The following TRAK2 variants were observed in gnomAD, a reference collection of about 807,000 sequenced individuals.
TRAK2 encodes trafficking kinesin protein 2.
TRAK2 carries 81 observed loss-of-function variants against 104.6 expected under a neutral mutation model. The ratio of observed to expected loss-of-function variants is 0.77; its 90% CI spans 0.65 to 0.93. The LOEUF is 0.93. Ranked by LOEUF, TRAK2 falls within the 40% of genes least tolerant of loss-of-function variation. TRAK2 has a pLI of 0.00. For missense variants in TRAK2, 1,002 were observed against 1,089.0 expected, an observed-to-expected ratio of 0.92 and a Z score of 1.12; for synonymous variants, 406 against 394.4, an observed-to-expected ratio of 1.03 and a Z score of -0.35.
intron 15 of TRAK2, 42 bp from the exon 16 acceptor site, chr2:201,381,260 T>C (rs1352695617): frequency 6.6e-7 from 1 of 1,523,056 alleles, no homozygotes; most frequent in Non-Finnish European, 8.8e-7. Flanking sequence ...TGTTTAAGAA[T>C]AAAAAGCAAG....
rs78367740 is a variant in TRAK2 at position 201,414,381 on chromosome 2, G to C, written c.91+6036C>G. On this transcript the variant is annotated intron_variant, in intron 2 of 15. Transcript: ENST00000332624. ...ACCCTCTCACTTTTAAAGAGATGTG[G>C]TATTTCCTTTGTGGGTAGTATAATG... 1.8e-3 allele frequency among the ~76,000 whole-genome samples: 278 copies of C among 152,290 alleles called. 1 individual carries two copies. Among genetic ancestry groups the C allele is most frequent in the African/African-American group, 6.0e-3 (251 of 41,580 alleles).
chr2:201,423,638 G>A (rs1414102135), intron 1 of TRAK2: 2 of 152,162 alleles, frequency 1.3e-5, no homozygotes, highest in East Asian at 3.9e-4. Context: ...ATGAATTAGT[G>A]GTGATGGTGG....
intron 12 of TRAK2, 121 bp downstream of exon 12, chr2:201,389,179 G>T: frequency 1.0e-6 from 1 of 994,210 alleles, no homozygotes; most frequent in Non-Finnish European, 1.5e-6. Flanking sequence ...CATAAGTGAA[G>T]GAAAACTGAC....
chr2:201,380,784 A>T lies in TRAK2; in HGVS notation c.2504T>A (p.Val835Glu). ...PDVGQLKMNL[V>E]DRLKRLGIAR... ...TATCCCCAGTCTCTTCAGCCTGTCC[A>T]CTAAGTTCATCTTCAACTGGCCAAC... Residue 835 changes from valine (V) to glutamate (E), a missense_variant, in exon 16 of 16, where the codon GTG becomes GAG. Coordinates refer to ENST00000332624, the MANE Select transcript of TRAK2 (RefSeq NM_015049.3). 1 of 1,614,108 alleles carries T rather than the reference A, an allele frequency of 6.2e-7. No homozygotes were observed. The highest frequency in any genetic ancestry group is 8.5e-7 in the Non-Finnish European group (1 of 1,180,002).
rs371504880 is a variant in TRAK2, at chr2:201,392,775, A to G, written c.1113+134T>C. The G allele has an allele frequency of 9.4e-4, 780 of 826,454 alleles. 13 individuals carry two copies. The South Asian group carries it at 0.015, about 16-fold the overall frequency. The allele number at this position is 826,454 out of a possible 1,614,324, so 51.2% of individuals were successfully genotyped here. A position where few individuals can be genotyped will look rare whatever the true frequency, so the allele number is the denominator to read the frequency against. On this transcript the variant is annotated intron_variant, in intron 10 of 15. Coordinates refer to ENST00000332624, the MANE Select transcript of TRAK2 (RefSeq NM_015049.3). ...AATATACAAATTAGGGCCTAAATCAATAATTGGAGTCCAGAAACAAGGAAA... is the reference window on the plus strand; with the variant it reads ...AATATACAAATTAGGGCCTAAATCAGTAATTGGAGTCCAGAAACAAGGAAA...
chr2:201,389,893 G>A lies in TRAK2; in HGVS notation c.1114-13C>T, dbSNP rs1208203718. On this transcript the variant is annotated splice_polypyrimidine_tract_variant and intron_variant, in intron 10 of 15. Transcript: ENST00000332624. Reference sequence around the variant, plus strand: ...CTGCCAAAGATTCCTAAGAAAAAGAGTTTGAGATTTCTAAAGTGATTGTTG... The same window carrying A: ...CTGCCAAAGATTCCTAAGAAAAAGAATTTGAGATTTCTAAAGTGATTGTTG... 1 of 1,607,334 alleles carries A rather than the reference G, an allele frequency of 6.2e-7. No individual in the cohort carries two copies. The highest frequency in any genetic ancestry group is 8.5e-7 in the Non-Finnish European group (1 of 1,175,210).
intron 1 of TRAK2, among the ~76,000 whole-genome samples, chr2:201,427,399 A>G (rs548793197): frequency 9.4e-5 from 14 of 149,036 alleles, no homozygotes; most frequent in African/African-American, 3.5e-4. Context: ...TCAATTCCTA[A>G]CTATGAGTGA....
At chr2:201,417,415 T>C (rs866470467) in intron 2 of TRAK2, among the ~76,000 whole-genome samples, 12 of 151,824 alleles carry the variant, frequency 7.9e-5, no homozygotes, top group Non-Finnish European at 1.5e-4. Flanking sequence ...AACCAAGTAG[T>C]TTTTTCCAGG....
At chr2:201,446,426 G>A (rs1951964756) in intron 1 of TRAK2, among the ~76,000 whole-genome samples, 1 of 152,296 alleles carries the variant, frequency 6.6e-6, no homozygotes, top group South Asian at 2.1e-4. Context: ...AGGAGGTATT[G>A]CCTCCGAACA....
intron 3 of TRAK2, among the ~76,000 whole-genome samples, chr2:201,403,824 CT>C (rs141625826): frequency 0.016 from 2,431 of 151,376 alleles, 70 homozygotes; most frequent in African/African-American, 0.056. Flanking sequence ...TTTAAAATGC[CT>C]AAGTATTTGT....
In TRAK2 at chr2:201,435,349, T is replaced by C. The variant is rs187797923; in HGVS notation, c.-199-14643A>G. Among the ~76,000 whole-genome samples, 21 of 152,288 alleles carry C rather than the reference T, an allele frequency of 1.4e-4. No individual in the cohort carries two copies. In the East Asian group the frequency reaches 3.7e-3, roughly 27 times the overall value. On this transcript the variant is annotated intron_variant, in intron 1 of 15. Coordinates refer to ENST00000332624, the MANE Select transcript of TRAK2 (RefSeq NM_015049.3). ...CTGGGTTTACAGGCAAGAGCTACCATGCCTGGCCTTGATTTATTTCTTTAA... is the reference window on the plus strand; with the variant it reads ...CTGGGTTTACAGGCAAGAGCTACCACGCCTGGCCTTGATTTATTTCTTTAA...
At chr2:201,428,494 T>C (rs1003960047) in intron 1 of TRAK2, among the ~76,000 whole-genome samples, 14 of 152,230 alleles carry the variant, frequency 9.2e-5, no homozygotes, top group Non-Finnish European at 1.9e-4. Context: ...TGTGGTATTA[T>C]TTTTCAGGGC....
chr2:201,410,479 C>G, intron 2 of TRAK2: 1 of 738,330 alleles, frequency 1.4e-6, no homozygotes, highest in South Asian at 1.7e-5. Flanking sequence ...TCCAAGCCAA[C>G]TACATAAAGA....
At position 201,398,184 on chromosome 2, in the gene TRAK2, G is replaced by A; in HGVS notation, c.651C>T (p.Leu217=). The A allele has an allele frequency of 6.2e-7, 1 of 1,613,658 alleles. No individual in the cohort carries two copies. The highest frequency in any genetic ancestry group is 1.7e-4 in the Middle Eastern group (1 of 6,058). ...LLQLEMLQEK[L]KELEEENMAL... is the part of the protein sequence containing the mutation. Reference sequence around the variant, plus strand: ...CCATATTCTCTTCTTCCAGTTCCTTGAGCTTTTCTTGCAGCATTTCCAACT... The same window carrying A: ...CCATATTCTCTTCTTCCAGTTCCTTAAGCTTTTCTTGCAGCATTTCCAACT... Residue 217 remains leucine (L), a synonymous_variant, in exon 6 of 16, where the codon CTC becomes CTT. Transcript: ENST00000332624.
chr2:201,442,456 C>G (rs1219464078), intron 1 of TRAK2, among the ~76,000 whole-genome samples: 1 of 151,636 alleles, frequency 6.6e-6, no homozygotes, highest in East Asian at 1.9e-4. Flanking sequence ...ATTTACTTTA[C>G]AAAAATGATG....
chr2:201,400,902 AT>A, intron 4 of TRAK2, 115 bp downstream of exon 4: 1 of 699,290 alleles, frequency 1.4e-6, no homozygotes, highest in Non-Finnish European at 2.4e-6. Context: ...CAACAACCTT[AT>A]ACAAAATAAC....
chr2:201,449,993 A>G (rs1321677495), intron 1 of TRAK2, among the ~76,000 whole-genome samples: 1 of 151,566 alleles, frequency 6.6e-6, no homozygotes, highest in East Asian at 2.0e-4. Flanking sequence ...GCGCCCGGCC[A>G]AATGTTGGTT....
Position 201,379,947 on chromosome 2 carries a change from G to A in TRAK2, c.*596C>T, listed in dbSNP as rs1951323475. ...CCTGAAAACAGAAAGGAAAATAGGA[G>A]TCTCCACCTGTGATTCAATGAAAAA... is the stretch of plus-strand genomic sequence containing the variant. On this transcript the variant is annotated 3_prime_UTR_variant, in exon 16 of 16. Transcript: ENST00000332624. 1 of 152,286 alleles carries A rather than the reference G, an allele frequency of 6.6e-6. No homozygotes were observed. Among genetic ancestry groups the A allele is most frequent in the South Asian group, 2.1e-4 (1 of 4,836 alleles). 9.4% of individuals were successfully genotyped at this position (152,286 alleles called of 1,614,324 possible). A position where few individuals can be genotyped will look rare whatever the true frequency, so the allele number is the denominator to read the frequency against.
At chr2:201,401,630 T>C (rs745694421) in intron 3 of TRAK2, among the ~76,000 whole-genome samples, 14 of 152,102 alleles carry the variant, frequency 9.2e-5, no homozygotes, top group Non-Finnish European at 1.6e-4. Flanking sequence ...ATAATTCCTT[T>C]AGGCTTAATT....
Sources: allele counts gnomAD v4.1 joint callset (sites outside exome capture counted in the v4.1 genomes callset), GRCh38; gene constraint gnomAD v4.1.1; transcripts MANE v1.5; gene names NCBI Gene and HGNC (gene_info 2026-07-23, HGNC 2026-07-21).